The following USP12 variants were observed in gnomAD, a reference collection of about 807,000 sequenced individuals.
USP12 encodes ubiquitin specific peptidase 12.
USP12 carries 19 observed loss-of-function variants against 45.5 expected under a neutral mutation model. The observed-to-expected ratio is 0.42, with a 90% CI of 0.29 to 0.61. The LOEUF is 0.61. Among genes scored for constraint, USP12 ranks in the 20% least tolerant of loss-of-function variants. The pLI is 0.22. For missense variants in USP12, 242 were observed against 447.7 expected (o/e 0.54, Z 4.15); for synonymous variants, 149 against 148.8 (o/e 1.00, Z -0.01).
intron 6 of USP12, among the ~76,000 whole-genome samples, chr13:27,079,748 T>TGC (rs748524304): frequency 1.0e-3 from 153 of 152,352 alleles, no homozygotes; most frequent in Non-Finnish European, 1.3e-3. Context: ...TTGCAAGCTC[T>TGC]GCCACAGATG....
At chr13:27,161,474 C>T (rs1198128880) in intron 1 of USP12, among the ~76,000 whole-genome samples, 29 of 151,972 alleles carry the variant, frequency 1.9e-4, no homozygotes, top group Non-Finnish European at 2.9e-5. Flanking sequence ...TTCAGGGATC[C>T]CTGAAAAACC....
At position 27,068,384 on chromosome 13, in the gene USP12, A is replaced by T. The variant is rs1329024541; in HGVS notation, c.*899T>A. 2.0e-5 allele frequency: 3 copies of T among 152,624 alleles called. No homozygotes were observed. Among genetic ancestry groups the T allele is most frequent in the African/African-American group, 7.2e-5 (3 of 41,458 alleles). 9.5% of individuals were successfully genotyped at this position (152,624 alleles called of 1,614,324 possible). A position where few individuals can be genotyped will look rare whatever the true frequency, so the allele number is the denominator to read the frequency against. On this transcript the variant is annotated 3_prime_UTR_variant, in exon 9 of 9. Coordinates refer to ENST00000282344, the MANE Select transcript of USP12 (RefSeq NM_182488.4). ...ATAATAAAAGGACAAATATTTAGCC[A>T]GAGATATCAGTTCCTCCTGAAAAAG...
intron 8 of USP12, among the ~76,000 whole-genome samples, 189 bp downstream of exon 8, chr13:27,070,867 CTAGGTGTGTAAAGGT>C (rs1405742890): frequency 1.3e-5 from 2 of 152,076 alleles, no homozygotes; most frequent in Admixed American, 1.3e-4. Flanking sequence ...TTGTTTTATT[CTAGGTGTGTAAAGGT>C]TAGGTGACCA....
At chr13:27,118,359 T>C (rs1875839562) in intron 1 of USP12, among the ~76,000 whole-genome samples, 1 of 152,172 alleles carries the variant, frequency 6.6e-6, no homozygotes, top group African/African-American at 2.4e-5. Flanking sequence ...CTTTATTTTT[T>C]TGACTTGGGA....
intron 4 of USP12, among the ~76,000 whole-genome samples, chr13:27,092,846 G>GA (rs1874380307): frequency 6.6e-6 from 1 of 152,088 alleles, no homozygotes; most frequent in South Asian, 2.1e-4. Flanking sequence ...TATAATGCAT[G>GA]AAAGAAAAAG....
chr13:27,103,879 T>C (rs1875002779), intron 3 of USP12, among the ~76,000 whole-genome samples: 1 of 151,994 alleles, frequency 6.6e-6, no homozygotes, highest in South Asian at 2.1e-4. Flanking sequence ...GCCATAAGTA[T>C]GTAACTGTAT....
At chr13:27,072,135 T>A (rs540370060) in intron 7 of USP12, among the ~76,000 whole-genome samples, 4 of 151,870 alleles carry the variant, frequency 2.6e-5, no homozygotes, top group Non-Finnish European at 4.4e-5. Flanking sequence ...GGATGACACA[T>A]CAAAACTTTT....
chr13:27,066,971 G>A lies in USP12; in HGVS notation c.*2312C>T, dbSNP rs1873025230. ...TACTTAGATCCAGCTGCATTAAGAA[G>A]AAAAAGTAAATGTAAAACTGTCACC... On this transcript the variant is annotated 3_prime_UTR_variant, in exon 9 of 9. Transcript: ENST00000282344. 6.6e-6 allele frequency: 1 copy of A among 152,086 alleles called. No individual in the cohort carries two copies. The highest frequency in any genetic ancestry group is 2.1e-4 in the South Asian group (1 of 4,820). 9.4% of individuals were successfully genotyped at this position (152,086 alleles called of 1,614,324 possible).
intron 1 of USP12, among the ~76,000 whole-genome samples, chr13:27,123,739 A>G (rs1013354411): frequency 9.9e-5 from 15 of 152,136 alleles, no homozygotes; most frequent in African/African-American, 3.1e-4. Flanking sequence ...GCATTCCACT[A>G]TGATTTTGAG....
At chr13:27,098,869 T>C (rs577685160) in intron 3 of USP12, among the ~76,000 whole-genome samples, 1 of 152,184 alleles carries the variant, frequency 6.6e-6, no homozygotes, top group Non-Finnish European at 1.5e-5. Flanking sequence ...TTCCATTGAA[T>C]TAACATGGCA....
chr13:27,109,982 T>A (rs571265633), intron 2 of USP12, among the ~76,000 whole-genome samples: 28 of 151,128 alleles, frequency 1.9e-4, no homozygotes, highest in East Asian at 1.6e-3. Flanking sequence ...CTGCATTGGA[T>A]GATATTAAGA....
At position 27,105,959 on chromosome 13, in the gene USP12, A is replaced by G; in HGVS notation, c.130-15T>C. 1 of 1,591,676 alleles carries G rather than the reference A, an allele frequency of 6.3e-7. No individual in the cohort carries two copies. Among genetic ancestry groups the G allele is most frequent in the South Asian group, 1.2e-5 (1 of 86,706 alleles). On this transcript the variant is annotated splice_polypyrimidine_tract_variant and intron_variant, in intron 2 of 8. Coordinates refer to ENST00000282344, the MANE Select transcript of USP12 (RefSeq NM_182488.4). ...GTATTCCCAAACTGCAACAGAAAAA[A>G]AAAAGTTTTGTTAAATTTAGGGCAA...
intron 3 of USP12, among the ~76,000 whole-genome samples, chr13:27,096,599 T>C (rs1874593846): frequency 1.3e-5 from 2 of 152,208 alleles, no homozygotes; most frequent in African/African-American, 4.8e-5. Context: ...CCATGTAATA[T>C]TGTTATTAAC....
intron 1 of USP12, among the ~76,000 whole-genome samples, chr13:27,161,888 T>C (rs1878123218): frequency 8.9e-6 from 1 of 112,590 alleles, no homozygotes. Flanking sequence ...TCTCAAAAAA[T>C]AAAAAAAAAT....
At chr13:27,171,001 A>G (rs1347382412) in intron 1 of USP12, among the ~76,000 whole-genome samples, 1 of 152,048 alleles carries the variant, frequency 6.6e-6, no homozygotes, top group Non-Finnish European at 1.5e-5. Flanking sequence ...CAGCGGCGCG[A>G]GGAAATCTGC....
chr13:27,082,345 C>A (rs1873797826), intron 6 of USP12, among the ~76,000 whole-genome samples: 1 of 152,180 alleles, frequency 6.6e-6, no homozygotes, highest in Non-Finnish European at 1.5e-5. Flanking sequence ...TTTTCTTCTG[C>A]AGCTTCCTTA....
Position 27,080,827 on chromosome 13 carries a change from G to A in USP12, c.735-5439C>T, listed in dbSNP as rs372233687. 3.1e-4 allele frequency among the ~76,000 whole-genome samples: 47 copies of A among 152,266 alleles called. No homozygotes were observed. In the East Asian group the frequency reaches 8.9e-3, roughly 29 times the overall value. ...CTTATACTATACTGTAGTGTATTAT[G>A]TAACAGCATTATGTCTGAAAAAAGT... is the stretch of plus-strand genomic sequence containing the variant. On this transcript the variant is annotated intron_variant, in intron 6 of 8. Transcript: ENST00000282344.
chr13:27,153,918 G>A (rs947440015), intron 1 of USP12, among the ~76,000 whole-genome samples: 5 of 152,144 alleles, frequency 3.3e-5, no homozygotes, highest in Admixed American at 6.5e-5. Flanking sequence ...CCTATTTCTC[G>A]TAAGTTTACT....
At chr13:27,101,420 G>C (rs1211133291) in intron 3 of USP12, among the ~76,000 whole-genome samples, 1 of 152,160 alleles carries the variant, frequency 6.6e-6, no homozygotes, top group East Asian at 1.9e-4. Context: ...CTTCAAACTT[G>C]CTTTGGAAGT....
Sources: allele counts gnomAD v4.1 joint callset (sites outside exome capture counted in the v4.1 genomes callset), GRCh38; gene constraint gnomAD v4.1.1; transcripts MANE v1.5; gene names NCBI Gene and HGNC (gene_info 2026-07-23, HGNC 2026-07-21).